Variants in LOXHD1 observed in about 807,000 individuals in gnomAD.
LOXHD1 encodes lipoxygenase homology domain-containing protein 1.
In LOXHD1, 205 loss-of-function variants were observed where a neutral mutation model predicts 248.2. That is an observed-to-expected ratio of 0.83 (90% CI 0.74 to 0.93). LOXHD1 has a LOEUF of 0.93. Among genes scored for constraint, LOXHD1 ranks in the 40% least tolerant of loss-of-function variants. The probability of loss-of-function intolerance (pLI) is 0.00; values close to 1 mark genes in which losing one functional copy is unlikely to be tolerated. For synonymous variants in LOXHD1, 1,113 were observed against 1,162.8 expected (o/e 0.96, Z 0.87); for missense variants, 2,930 against 2,971.6 (o/e 0.99, Z 0.33).
intron 21 of LOXHD1, among the ~76,000 whole-genome samples, chr18:46,547,653 G>T (rs552012633): frequency 2.6e-5 from 4 of 152,228 alleles, no homozygotes; most frequent in African/African-American, 9.6e-5. Flanking sequence ...TAGGGCCAGG[G>T]ATGGGAGGCA....
chr18:46,534,590 G>A, intron 26 of LOXHD1, 139 bp from the exon 27 acceptor site: 1 of 684,356 alleles, frequency 1.5e-6, no homozygotes. Flanking sequence ...ATCCAGCCAG[G>A]CCAGCTCCCA....
intron 35 of LOXHD1, among the ~76,000 whole-genome samples, chr18:46,508,513 A>C (rs1318553969): frequency 6.6e-6 from 1 of 152,148 alleles, no homozygotes; most frequent in Non-Finnish European, 1.5e-5. Context: ...GAGCCTTCAG[A>C]GGGAGTGTGG....
At chr18:46,609,043 G>A (rs1302784587) in intron 6 of LOXHD1, among the ~76,000 whole-genome samples, 3 of 152,210 alleles carry the variant, frequency 2.0e-5, no homozygotes, top group African/African-American at 4.8e-5. Flanking sequence ...TCCAAGGAGG[G>A]CTCTGCTTTT....
intron 40 of LOXHD1, among the ~76,000 whole-genome samples, chr18:46,480,746 T>C (rs1027521968): frequency 3.9e-5 from 6 of 152,222 alleles, no homozygotes; most frequent in South Asian, 4.2e-4. Flanking sequence ...CTGTGAACAT[T>C]GTGTATTAGA....
rs1466164772 is a variant in LOXHD1, at chr18:46,560,534, G to C, written c.2610C>G (p.Ala870=). 2 of 1,530,634 alleles carry C rather than the reference G, an allele frequency of 1.3e-6. No individual in the cohort carries two copies. Among genetic ancestry groups the C allele is most frequent in the Admixed American group, 2.0e-5 (1 of 50,824 alleles). The allele number at this position is 1,530,634 out of a possible 1,614,324, so 94.8% of individuals were successfully genotyped here. A position where few individuals can be genotyped will look rare whatever the true frequency, so the allele number is the denominator to read the frequency against. ...ASKDTFQLEA[A]DVGEVYKLRL... ...GGAGCTTATAGACCTCGCCCACGTC[G>C]GCCGCCTCAAGCTGTTCAAAGGGCA... Residue 870 remains alanine, a synonymous_variant, in exon 19 of 41, where the codon GCC becomes GCG. Transcript: ENST00000642948.
At chr18:46,654,346 T>C (rs1378849578) in intron 1 of LOXHD1, among the ~76,000 whole-genome samples, 1 of 152,134 alleles carries the variant, frequency 6.6e-6, no homozygotes, top group Non-Finnish European at 1.5e-5. Context: ...CCTTGGAAAA[T>C]TGCATCCCAA....
At chr18:46,625,662 G>A (rs1457476634) in intron 4 of LOXHD1, among the ~76,000 whole-genome samples, 3 of 152,146 alleles carry the variant, frequency 2.0e-5, no homozygotes, top group African/African-American at 4.8e-5. Flanking sequence ...CAGCTGGTAC[G>A]TTTTTCTAGG....
intron 4 of LOXHD1, among the ~76,000 whole-genome samples, chr18:46,627,470 T>A (rs1233027243): frequency 6.6e-6 from 1 of 152,166 alleles, no homozygotes; most frequent in African/African-American, 2.4e-5. Context: ...AGTTCAGATT[T>A]TCGTGTGTAC....
In LOXHD1 at chr18:46,593,670, C is replaced by T. The variant is rs1187672310; in HGVS notation, c.1361G>A (p.Gly454Glu). ...PIFIQIYGQK[G>E]RTDEILLNPN... The stretch of plus-strand genomic sequence containing the variant: ...ATTCAGGAGAATCTCATCTGTCCGC[C>T]CCTTCTGCCCATAAATCTGGATGAA... Residue 454 changes from glycine to glutamate, a missense_variant, in exon 10 of 41, where the codon GGG becomes GAG. By Grantham distance (98) the Gly-to-Glu change is moderately conservative. Transcript: ENST00000642948. 2.6e-6 allele frequency: 4 copies of T among 1,552,202 alleles called. No homozygotes were observed. Among genetic ancestry groups the T allele is most frequent in the African/African-American group, 1.4e-5 (1 of 73,024 alleles).
Position 46,566,426 on chromosome 18 carries a change from A to G in LOXHD1, c.2268T>C (p.His756=), listed in dbSNP as rs758418164. The G allele has an allele frequency of 3.9e-6, 6 of 1,550,522 alleles. No individual in the cohort carries two copies. In the South Asian group the frequency reaches 7.1e-5, roughly 18 times the overall value. Residue 756 remains histidine, a synonymous_variant, in exon 17 of 41, where the codon CAT becomes CAC. Coordinates refer to ENST00000642948, the MANE Select transcript of LOXHD1 (RefSeq NM_001384474.1). ...AGCTGGCATGCATGCCAGTGCTGTC[A>G]TGCCCAATCACCAGCCGGTTGATCT... The part of the protein sequence containing the change: ...IGNINRLVIG[H]DSTGMHASWF...
chr18:46,531,694 C>T (rs1380456851), intron 28 of LOXHD1, among the ~76,000 whole-genome samples: 1 of 152,202 alleles, frequency 6.6e-6, no homozygotes, highest in Non-Finnish European at 1.5e-5. Flanking sequence ...CCTCCCCGTC[C>T]CACCCAGGCC....
chr18:46,630,776 G>C (rs908766770), intron 4 of LOXHD1, among the ~76,000 whole-genome samples: 2 of 152,088 alleles, frequency 1.3e-5, no homozygotes, highest in Non-Finnish European at 2.9e-5. Context: ...GGTATGGGGG[G>C]GGGTGTGAAA....
Position 46,524,857 on chromosome 18 carries a change from G to A in LOXHD1, c.4591C>T (p.His1531Tyr). Residue 1531 changes from histidine (H) to tyrosine (Y), a missense_variant, in exon 30 of 41, where the codon CAT becomes TAT. By Grantham distance (83) the His-to-Tyr change is moderately conservative. Transcript: ENST00000642948. ...TCTGCGCACCACTTGGAGTTGTCAT[G>A]GCGGAGCTTGATCTTGTAGATGACG... ...LGVIYKIKLRHDNSKWCADWY... is the reference protein window; with the variant it reads ...LGVIYKIKLRYDNSKWCADWY... The A allele has an allele frequency of 1.3e-6, 2 of 1,551,738 alleles. No homozygotes were observed. The highest frequency in any genetic ancestry group is 1.2e-5 in the South Asian group (1 of 84,058).
intron 9 of LOXHD1, among the ~76,000 whole-genome samples, chr18:46,594,016 C>T (rs1176494594): frequency 6.6e-6 from 1 of 152,170 alleles, no homozygotes; most frequent in Non-Finnish European, 1.5e-5. Flanking sequence ...CGAGTTGACT[C>T]CACCCACCCT....
At chr18:46,579,842 C>G (rs1452075403) in intron 12 of LOXHD1, 58 bp from the exon 13 acceptor site, 1 of 1,509,792 alleles carries the variant, frequency 6.6e-7, no homozygotes, top group Non-Finnish European at 8.9e-7. Flanking sequence ...CATCCCTAGC[C>G]CTGCTGCTCC....
chr18:46,598,876 C>T (rs997802284), intron 8 of LOXHD1, among the ~76,000 whole-genome samples: 3 of 152,194 alleles, frequency 2.0e-5, no homozygotes, highest in East Asian at 1.9e-4. Context: ...TTCTTTCAAA[C>T]GAATCTATAG....
Position 46,538,529 on chromosome 18 carries a change from C to T in LOXHD1, c.3914-192G>A, listed in dbSNP as rs183883624. Among the ~76,000 whole-genome samples, 302 of 152,252 alleles carry T rather than the reference C, an allele frequency of 2.0e-3. 2 individuals are homozygous for T. Among genetic ancestry groups the T allele is most frequent in the South Asian group, 0.014 (68 of 4,834 alleles). ...CAACTGCAGGTGGGGTCCTGTCCTG[C>T]CCCGCCCCCATGGAAAACCCTCACC... is the stretch of plus-strand genomic sequence containing the variant. On this transcript the variant is annotated intron_variant, in intron 25 of 40. Coordinates refer to ENST00000642948, the MANE Select transcript of LOXHD1 (RefSeq NM_001384474.1).
chr18:46,484,455 A>G (rs78414200), intron 39 of LOXHD1, among the ~76,000 whole-genome samples: 1 of 152,092 alleles, frequency 6.6e-6, no homozygotes, highest in East Asian at 1.9e-4. Flanking sequence ...CCATGTGAGG[A>G]CACAGTGAGA....
chr18:46,568,928 G>C (rs1424212237), intron 16 of LOXHD1, among the ~76,000 whole-genome samples: 2 of 152,144 alleles, frequency 1.3e-5, no homozygotes, highest in Non-Finnish European at 2.9e-5. Flanking sequence ...CCTTGATCTG[G>C]AGGCTCTTGG....
Sources: gnomAD v4.1 joint callset for allele counts (sites outside exome capture counted in the v4.1 genomes callset) on GRCh38, gnomAD v4.1.1 for gene constraint, MANE v1.5 for transcripts, NCBI Gene and HGNC (gene_info 2026-07-23, HGNC 2026-07-21) for gene names.